FAT3: variants seen among roughly 807,000 people sequenced by gnomAD.
FAT3 encodes the protein FAT atypical cadherin 3, also known as protocadherin Fat 3.
Under a neutral mutation model 310.2 loss-of-function variants are expected in FAT3, and 95 were observed. That is an observed-to-expected ratio of 0.31 (90% confidence interval 0.26 to 0.36). FAT3 has a LOEUF of 0.36. Among genes scored for constraint, FAT3 ranks in the 10% least tolerant of loss-of-function variants. The pLI is 1.00. For synonymous variants in FAT3, 2,314 were observed against 2,192.9 expected (o/e 1.06, Z -1.54); for missense variants, 5,408 against 5,715.6 (o/e 0.95, Z 1.74).
chr11:92,430,523 T>A (rs539216454), intron 2 of FAT3, among the ~76,000 whole-genome samples: 43 of 152,132 alleles, frequency 2.8e-4, no homozygotes, highest in African/African-American at 9.1e-4. Context: ...TTTTTTTTAA[T>A]ATATACTTTA....
chr11:92,546,292 T>A (rs2135424425), intron 3 of FAT3, among the ~76,000 whole-genome samples: 1 of 152,362 alleles, frequency 6.6e-6, no homozygotes, highest in Admixed American at 6.5e-5. Flanking sequence ...GTCATTGTAA[T>A]TTAAATTCAG....
intron 2 of FAT3, among the ~76,000 whole-genome samples, chr11:92,486,672 G>A (rs990632257): frequency 1.3e-5 from 2 of 152,050 alleles, no homozygotes; most frequent in African/African-American, 4.8e-5. Flanking sequence ...ATTTCCTCAT[G>A]TTTTTCTCTA....
intron 3 of FAT3, among the ~76,000 whole-genome samples, chr11:92,584,733 C>G (rs561071851): frequency 5.3e-5 from 8 of 151,914 alleles, no homozygotes; most frequent in Non-Finnish European, 1.0e-4. Context: ...GTGATCTTCA[C>G]TGAGGTCTGT....
intron 4 of FAT3, 113 bp downstream of exon 4, chr11:92,697,558 GA>G (rs113735851): frequency 5.8e-6 from 6 of 1,040,906 alleles, no homozygotes; most frequent in African/African-American, 3.2e-5. Context: ...TCAAAGTGAA[GA>G]TATTTCTCTT....
At chr11:92,735,552 A>T (rs1166418781) in intron 4 of FAT3, among the ~76,000 whole-genome samples, 1 of 146,674 alleles carries the variant, frequency 6.8e-6, no homozygotes, top group African/African-American at 2.5e-5. Flanking sequence ...GGATGGATGG[A>T]TGAGCATAGA....
chr11:92,568,494 A>G (rs1360462044), intron 3 of FAT3, among the ~76,000 whole-genome samples: 1 of 152,166 alleles, frequency 6.6e-6, no homozygotes, highest in African/African-American at 2.4e-5. Flanking sequence ...CTAGCAATGG[A>G]AAGAACATGA....
chr11:92,563,281 A>G (rs1247670333), intron 3 of FAT3, among the ~76,000 whole-genome samples: 1 of 152,206 alleles, frequency 6.6e-6, no homozygotes, highest in Non-Finnish European at 1.5e-5. Flanking sequence ...AAGCAACAGC[A>G]AATATGTGAG....
rs527761322 is a variant in FAT3 at position 92,353,180 on chromosome 11, T to C, written c.1068T>C (p.Cys356=). 28 of 1,613,716 alleles carry C rather than the reference T, an allele frequency of 1.7e-5. No individual in the cohort carries two copies. The East Asian group carries it at 6.0e-4, about 35-fold the overall frequency. Residue 356 remains cysteine (C), a synonymous_variant, in exon 2 of 28, where the codon TGT becomes TGC. Transcript: ENST00000525166. The stretch of plus-strand genomic sequence containing the variant: ...AAGACAAGGGATCTCCTCAAAAATG[T>C]TCAGCATTAAAGGCAGTCTACATTG... ...QAKDKGSPQK[C]SALKAVYIGN... is the part of the protein sequence containing the mutation.
intron 25 of FAT3, among the ~76,000 whole-genome samples, chr11:92,888,584 C>T (rs1039306275): frequency 6.6e-6 from 1 of 152,202 alleles, no homozygotes; most frequent in African/African-American, 2.4e-5. Context: ...ATTAAGGCAA[C>T]CCATATAGAC....
chr11:92,878,059 CACAT>C (rs1427144225), intron 22 of FAT3, among the ~76,000 whole-genome samples: 2 of 152,110 alleles, frequency 1.3e-5, no homozygotes, highest in African/African-American at 4.8e-5. Context: ...TGAGCATGTG[CACAT>C]ACATGTATGT....
intron 3 of FAT3, among the ~76,000 whole-genome samples, chr11:92,652,793 A>G (rs977705488): frequency 1.6e-4 from 25 of 152,284 alleles, no homozygotes; most frequent in African/African-American, 5.8e-4. Context: ...TGAAGGTGCT[A>G]CCACCTCTTC....
At chr11:92,695,952 G>C (rs564814858) in intron 3 of FAT3, among the ~76,000 whole-genome samples, 2 of 152,068 alleles carry the variant, frequency 1.3e-5, no homozygotes, top group Non-Finnish European at 2.9e-5. Flanking sequence ...GGTGAATATA[G>C]TTAATAATAG....
chr11:92,810,158 C>T, intron 13 of FAT3, 82 bp downstream of exon 13: 1 of 1,233,840 alleles, frequency 8.1e-7, no homozygotes, highest in Non-Finnish European at 1.1e-6. Flanking sequence ...TTTATAAGAA[C>T]CTTAATCAAC....
At position 92,352,952 on chromosome 11, in the gene FAT3, A is replaced by C; in HGVS notation, c.840A>C (p.Pro280=). ...TTCCTTTCTCGTTGGAAAAAGAGCC[A>C]ACATATGCAGTGGTGACAGTTGATG... ...THVPFSLEKE[P]TYAVVTVDDL... is the part of the protein sequence containing the mutation. The change falls in exon 2 of 28, where the codon CCA becomes CCC. Residue 280 remains proline, a synonymous_variant. Coordinates refer to ENST00000525166, the MANE Select transcript of FAT3 (RefSeq NM_001367949.2). 1 of 1,613,916 alleles carries C rather than the reference A, an allele frequency of 6.2e-7. No homozygotes were observed. Among genetic ancestry groups the C allele is most frequent in the East Asian group, 2.2e-5 (1 of 44,868 alleles).
At chr11:92,316,389 A>G (rs1316807668) in intron 1 of FAT3, among the ~76,000 whole-genome samples, 2 of 152,168 alleles carry the variant, frequency 1.3e-5, no homozygotes. Context: ...TATATACAAA[A>G]TGCATATTTA....
intron 2 of FAT3, among the ~76,000 whole-genome samples, chr11:92,433,924 G>GA (rs981626943): frequency 4.6e-5 from 7 of 151,400 alleles, no homozygotes; most frequent in African/African-American, 1.7e-4. Context: ...GCTGAGGCAG[G>GA]ATAATGGCGT....
intron 4 of FAT3, among the ~76,000 whole-genome samples, chr11:92,718,354 T>C (rs1591644215): frequency 6.6e-6 from 1 of 152,044 alleles, no homozygotes; most frequent in Non-Finnish European, 1.5e-5. Context: ...GGAGATGAGC[T>C]TGGGGTTATA....
chr11:92,723,709 A>C (rs1197645264), intron 4 of FAT3, among the ~76,000 whole-genome samples: 3 of 152,184 alleles, frequency 2.0e-5, no homozygotes, highest in Admixed American at 6.6e-5. Flanking sequence ...CAGAAGGTGA[A>C]AGGCACATCT....
At chr11:92,812,414 C>G (rs1947700202) in intron 13 of FAT3, among the ~76,000 whole-genome samples, 1 of 151,964 alleles carries the variant, frequency 6.6e-6, no homozygotes, top group South Asian at 2.1e-4. Flanking sequence ...AACCCCATCT[C>G]TACTAAAAAT....
Sources: allele counts gnomAD v4.1 joint callset (sites outside exome capture counted in the v4.1 genomes callset), GRCh38; gene constraint gnomAD v4.1.1; transcripts MANE v1.5; gene names NCBI Gene and HGNC (gene_info 2026-07-23, HGNC 2026-07-21).